ATF7IP: variants seen among roughly 807,000 people sequenced by gnomAD.
ATF7IP encodes activating transcription factor 7-interacting protein 1.
Under a neutral mutation model 106.4 loss-of-function variants are expected in ATF7IP, and 23 were observed. That is an observed-to-expected ratio of 0.22 (90% CI 0.16 to 0.31). The LOEUF (loss-of-function observed/expected upper bound fraction) is 0.31. ATF7IP is among the 10% of genes least tolerant of loss of function. The probability of loss-of-function intolerance (pLI) is 1.00; values close to 1 mark genes in which losing one functional copy is unlikely to be tolerated. For synonymous variants in ATF7IP, 542 were observed against 539.0 expected, an observed-to-expected ratio of 1.01 and a Z score of -0.08; for missense variants, 1,334 against 1,524.3, an observed-to-expected ratio of 0.88 and a Z score of 2.08.
intron 8 of ATF7IP, among the ~76,000 whole-genome samples, chr12:14,458,260 T>C (rs1482884874): frequency 6.6e-6 from 1 of 152,216 alleles, no homozygotes; most frequent in African/African-American, 2.4e-5. Context: ...ATCTCTTTAA[T>C]ACTTTGAGAC....
chr12:14,424,357 G>A lies in ATF7IP; in HGVS notation c.442G>A (p.Val148Ile). Reference protein sequence around the residue: ...DLDAGDPASGVLASGDSTSGD... With the variant: ...DLDAGDPASGILASGDSTSGD... ...GGATGCCGGAGATCCAGCCTCCGGA[G>A]TACTGGCCTCTGGTGATTCCACCTC... is the stretch of plus-strand genomic sequence containing the variant. Residue 148 changes from valine (V) to isoleucine (I), a missense_variant, in exon 2 of 15, where the codon GTA becomes ATA. Val to Ile is a conservative substitution (Grantham distance 29). Transcript: ENST00000261168. 1 of 1,614,196 alleles carries A rather than the reference G, an allele frequency of 6.2e-7. No homozygotes were observed. Among genetic ancestry groups the A allele is most frequent in the Non-Finnish European group, 8.5e-7 (1 of 1,180,028 alleles).
chr12:14,368,956 C>A (rs187315698), intron 1 of ATF7IP, among the ~76,000 whole-genome samples: 1 of 144,948 alleles, frequency 6.9e-6, no homozygotes, highest in African/African-American at 2.5e-5. Flanking sequence ...TACTGCCCCC[C>A]TTTTTTTTTT....
rs753365079 is a variant in ATF7IP, at chr12:14,460,570, G to A, written c.2234G>A (p.Gly745Asp). 7.1e-5 allele frequency: 114 copies of A among 1,614,038 alleles called. No homozygotes were observed. Among genetic ancestry groups the A allele is most frequent in the Non-Finnish European group, 2.0e-5 (24 of 1,180,032 alleles). The part of the protein sequence containing the change: ...QPKLQTPVTS[G>D]SLTATSVLPA... Reference sequence around the variant, plus strand: ...AAATTGCAGACTCCAGTGACTTCGGGTTCCCTCACAGCAACGTCAGTTCTT... The same window carrying A: ...AAATTGCAGACTCCAGTGACTTCGGATTCCCTCACAGCAACGTCAGTTCTT... Residue 745 changes from glycine to aspartate, a missense_variant, in exon 9 of 15, where the codon GGT becomes GAT. Coordinates refer to ENST00000261168, the MANE Select transcript of ATF7IP (RefSeq NM_018179.5).
intron 1 of ATF7IP, among the ~76,000 whole-genome samples, chr12:14,374,513 G>A (rs1357881463): frequency 2.6e-5 from 4 of 152,030 alleles, no homozygotes; most frequent in Admixed American, 6.6e-5. Context: ...TAATAAGTAA[G>A]TAGTTAAAAG....
chr12:14,457,432 A>C lies in ATF7IP; in HGVS notation c.2158+137A>C. On this transcript the variant is annotated intron_variant, in intron 8 of 14. Transcript: ENST00000261168. ...TCTAAGTACAAAAATTTTGTTAAAA[A>C]TTCAGGATCAAACTGGGTATGGTGG... is the stretch of plus-strand genomic sequence containing the variant. The C allele has an allele frequency of 6.1e-6, 4 of 651,470 alleles. No individual in the cohort carries two copies. The South Asian group carries it at 8.1e-5, about 13-fold the overall frequency. 40.4% of individuals were successfully genotyped at this position (651,470 alleles called of 1,614,324 possible). A position where few individuals can be genotyped will look rare whatever the true frequency, so the allele number is the denominator to read the frequency against.
intron 2 of ATF7IP, among the ~76,000 whole-genome samples, chr12:14,427,529 CTAATTTTTGTATTTT>C: frequency 1.3e-5 from 2 of 152,196 alleles, no homozygotes; most frequent in East Asian, 3.9e-4. Flanking sequence ...CCACGCCTGG[CTAATTTTTGTATTTT>C]TAGTAGAGTC....
At position 14,489,626 on chromosome 12, in the gene ATF7IP, G is replaced by A. The variant is rs555852856; in HGVS notation, c.3281-6605G>A. On this transcript the variant is annotated intron_variant, in intron 13 of 14. Transcript: ENST00000261168. ...TTCAGAGCATACATGGCCTTCTGGA[G>A]AATTTTGCCCCAGACTTGCAAAGTA... 1.3e-5 allele frequency among the ~76,000 whole-genome samples: 2 copies of A among 152,264 alleles called. 1 individual carries two copies. The highest frequency in any genetic ancestry group is 4.1e-4 in the South Asian group (2 of 4,828).
Position 14,424,042 on chromosome 12 carries a change from C to G in ATF7IP, c.127C>G (p.Leu43Val), listed in dbSNP as rs778013140. ...KEELLKTDVK[L>V]LNGNHENGDL... ...AGAACTGTTGAAAACTGATGTCAAG[C>G]TGTTAAATGGCAACCATGAAAATGG... The change falls in exon 2 of 15, where the codon CTG (leucine) becomes GTG (valine). Residue 43 changes from leucine (L) to valine (V), a missense_variant. Leu to Val is a conservative substitution (Grantham distance 32). This residue lies in a region of ATF7IP where 74 missense variants were observed against 101.9 expected (regional missense o/e 0.73). Transcript: ENST00000261168. 6.2e-7 allele frequency: 1 copy of G among 1,614,112 alleles called. No homozygotes were observed. The highest frequency in any genetic ancestry group is 8.5e-7 in the Non-Finnish European group (1 of 1,180,026).
chr12:14,430,488 G>C (rs749745333), intron 2 of ATF7IP, among the ~76,000 whole-genome samples: 1 of 152,182 alleles, frequency 6.6e-6, no homozygotes, highest in African/African-American at 2.4e-5. Context: ...TTGCCATTCT[G>C]TATTGGTTAA....
intron 1 of ATF7IP, among the ~76,000 whole-genome samples, chr12:14,421,129 AT>A (rs1169927150): frequency 3.3e-5 from 5 of 152,242 alleles, no homozygotes; most frequent in African/African-American, 1.2e-4. Flanking sequence ...TCCTATTTCA[AT>A]ATCAGACATG....
intron 6 of ATF7IP, 21 bp from the exon 7 acceptor site, chr12:14,456,540 T>A: frequency 1.9e-6 from 3 of 1,586,322 alleles, no homozygotes; most frequent in Non-Finnish European, 1.7e-6. Context: ...ATTTTTACCT[T>A]GATTTTTTTT....
rs945629731 is a variant in ATF7IP, at chr12:14,502,801, T to C, written c.*4728T>C. The C allele has an allele frequency of 2.6e-5, 4 of 152,160 alleles. No individual in the cohort carries two copies. The highest frequency in any genetic ancestry group is 1.9e-4 in the East Asian group (1 of 5,198). The allele number at this position is 152,160 out of a possible 1,614,324, so 9.4% of individuals were successfully genotyped here. Reference sequence around the variant, plus strand: ...GGTTTTGAAGGTTTGTGTGTGTGTGTGCGTGCGTGTGTGTGTTTTTCTTTT... The same window carrying C: ...GGTTTTGAAGGTTTGTGTGTGTGTGCGCGTGCGTGTGTGTGTTTTTCTTTT... On this transcript the variant is annotated 3_prime_UTR_variant, in exon 15 of 15. Coordinates refer to ENST00000261168, the MANE Select transcript of ATF7IP (RefSeq NM_018179.5).
chr12:14,429,989 T>G (rs559680275), intron 2 of ATF7IP, among the ~76,000 whole-genome samples: 1 of 152,270 alleles, frequency 6.6e-6, no homozygotes, highest in East Asian at 1.9e-4. Context: ...TAGAAAAATA[T>G]AGTAGGTAGC....
chr12:14,380,399 C>G (rs535166601), intron 1 of ATF7IP, among the ~76,000 whole-genome samples: 1 of 152,270 alleles, frequency 6.6e-6, no homozygotes, highest in African/African-American at 2.4e-5. Flanking sequence ...TTTGAAACTT[C>G]CCTTTAGGCT....
intron 3 of ATF7IP, among the ~76,000 whole-genome samples, chr12:14,435,545 C>T (rs1389419753): frequency 6.6e-6 from 1 of 152,092 alleles, no homozygotes; most frequent in Non-Finnish European, 1.5e-5. Flanking sequence ...GTCTTCTAGT[C>T]TATATTCTTT....
intron 13 of ATF7IP, among the ~76,000 whole-genome samples, chr12:14,483,417 C>T (rs540319758): frequency 1.9e-4 from 29 of 152,226 alleles, no homozygotes; most frequent in African/African-American, 4.8e-4. Context: ...CTAACTCCTT[C>T]GCTAGCCTGT....
chr12:14,425,247 T>G lies in ATF7IP; in HGVS notation c.1332T>G (p.Pro444=). 6.3e-7 allele frequency: 1 copy of G among 1,596,724 alleles called. No homozygotes were observed. The highest frequency in any genetic ancestry group is 8.5e-7 in the Non-Finnish European group (1 of 1,173,994). Residue 444 remains proline (P), a synonymous_variant, in exon 2 of 15, where the codon CCT becomes CCG. Coordinates refer to ENST00000261168, the MANE Select transcript of ATF7IP (RefSeq NM_018179.5). ...TTCCTATTTTGGAAAAGCTTGCACC[T>G]TCTGAGGATGAACTTACTTGCTTTT... ...EIIPILEKLA[P]SEDELTCFSK...
intron 2 of ATF7IP, among the ~76,000 whole-genome samples, chr12:14,433,089 C>T (rs1381611118): frequency 6.6e-6 from 1 of 152,120 alleles, no homozygotes; most frequent in Non-Finnish European, 1.5e-5. Flanking sequence ...CCCTTCTGGG[C>T]CAGTCGAGGT....
chr12:14,413,081 C>G (rs747532347), intron 1 of ATF7IP, among the ~76,000 whole-genome samples: 9 of 152,192 alleles, frequency 5.9e-5, no homozygotes, highest in Non-Finnish European at 1.3e-4. Flanking sequence ...GCTAGAACTT[C>G]TAGTTCAATG....
Sources: allele counts gnomAD v4.1 joint callset (sites outside exome capture counted in the v4.1 genomes callset), GRCh38; gene constraint gnomAD v4.1.1; regional missense constraint gnomAD v4.1.1; transcripts MANE v1.5; gene names NCBI Gene and HGNC (gene_info 2026-07-23, HGNC 2026-07-21).